UBR3: variants seen among roughly 807,000 people sequenced by gnomAD.
UBR3 encodes E3 ubiquitin-protein ligase UBR3.
A neutral mutation model predicts 243.2 loss-of-function variants in UBR3; 85 were observed. The ratio of observed to expected loss-of-function variants is 0.35; its 90% CI spans 0.29 to 0.42. The LOEUF is 0.42. Ranked by LOEUF, UBR3 falls within the 10% of genes least tolerant of loss-of-function variation. The pLI is 1.00. For missense variants in UBR3, 1,686 were observed against 2,300.8 expected (o/e 0.73, Z 5.47); for synonymous variants, 748 against 799.8 (o/e 0.94, Z 1.09).
At chr2:169,842,208 G>C (rs548661100) in intron 1 of UBR3, among the ~76,000 whole-genome samples, 79 of 152,252 alleles carry the variant, frequency 5.2e-4, no homozygotes, top group African/African-American at 1.8e-3. Context: ...AGGTTTGTGA[G>C]TGCACCAATC....
chr2:169,827,627 C>G lies in UBR3; in HGVS notation c.120C>G (p.Ser40Arg). 1 of 1,267,588 alleles carries G rather than the reference C, an allele frequency of 7.9e-7. No individual in the cohort carries two copies. Among genetic ancestry groups the G allele is most frequent in the Non-Finnish European group, 9.9e-7 (1 of 1,006,356 alleles). The allele number at this position is 1,267,588 out of a possible 1,614,324, so 78.5% of individuals were successfully genotyped here. ...ATAAHLKAAL[S>R]RPDNRAGAEE... is the part of the protein sequence containing the mutation. ...CCGCGCACCTCAAGGCGGCCCTCAG[C>G]CGGCCGGACAACCGCGCAGGTGCTG... The change falls in exon 1 of 39, where the codon AGC (serine) becomes AGG (arginine). Residue 40 changes from serine (S) to arginine (R), a missense_variant. Ser to Arg is a moderately radical substitution (Grantham distance 110). Around this residue, in one of 8 missense-constraint regions of UBR3, gnomAD observed 79 missense variants for 73.2 expected, o/e 1.08. Transcript: ENST00000272793.
At chr2:169,844,070 G>A (rs556486618) in intron 1 of UBR3, among the ~76,000 whole-genome samples, 144 of 148,818 alleles carry the variant, frequency 9.7e-4, no homozygotes, top group African/African-American at 3.5e-3. Flanking sequence ...GCAATGGCGC[G>A]ACCTCGGCTC....
At chr2:169,842,534 C>T (rs944966485) in intron 1 of UBR3, among the ~76,000 whole-genome samples, 3 of 152,180 alleles carry the variant, frequency 2.0e-5, no homozygotes, top group African/African-American at 4.8e-5. Context: ...TTTGGGTCCA[C>T]GCTGCTTTTA....
chr2:169,967,276 C>G (rs967868557), intron 24 of UBR3, among the ~76,000 whole-genome samples: 1 of 146,708 alleles, frequency 6.8e-6, no homozygotes, highest in Non-Finnish European at 1.5e-5. Flanking sequence ...CCCCCCCCCA[C>G]ACACAGTTGG....
chr2:170,055,592 T>A lies in UBR3; in HGVS notation c.4785+8T>A. On this transcript the variant is annotated splice_region_variant and intron_variant, in intron 33 of 38. Transcript: ENST00000272793. Reference sequence around the variant, plus strand: ...GCGGGAGCTCTCAAAAAGGTTAGGCTCTTTCTAAATTTGTCATTTAGCAGG... The same window carrying A: ...GCGGGAGCTCTCAAAAAGGTTAGGCACTTTCTAAATTTGTCATTTAGCAGG... 1 of 1,612,242 alleles carries A rather than the reference T, an allele frequency of 6.2e-7. No homozygotes were observed. The highest frequency in any genetic ancestry group is 8.5e-7 in the Non-Finnish European group (1 of 1,178,796).
At chr2:170,021,827 A>T (rs1364176464) in intron 30 of UBR3, among the ~76,000 whole-genome samples, 1 of 152,304 alleles carries the variant, frequency 6.6e-6, no homozygotes, top group East Asian at 1.9e-4. Context: ...CCTTTCTGAA[A>T]GTGCCATGAT....
Position 169,986,663 on chromosome 2 carries a change from T to A in UBR3, c.3653T>A (p.Ile1218Asn). The change falls in exon 25 of 39, where the codon ATT becomes AAT. Residue 1218 changes from isoleucine to asparagine, a missense_variant. This residue lies in a region of UBR3 where 156 missense variants were observed against 246.3 expected (regional missense o/e 0.63). Transcript: ENST00000272793. ...CCCTCAGATTCTCCTGAGAATGATA[T>A]TCCTATGGAGATCACCACGGCAGAA... The part of the protein sequence containing the change: ...AMDVDSPEND[I>N]PMEITTAEPQ... 1 of 1,613,568 alleles carries A rather than the reference T, an allele frequency of 6.2e-7. No homozygotes were observed. Among genetic ancestry groups the A allele is most frequent in the Non-Finnish European group, 8.5e-7 (1 of 1,179,742 alleles).
chr2:170,064,165 T>C (rs1335547736), intron 35 of UBR3, among the ~76,000 whole-genome samples: 1 of 152,208 alleles, frequency 6.6e-6, no homozygotes, highest in African/African-American at 2.4e-5. Context: ...TTTCTGTTCC[T>C]AGTCTGGCCC....
chr2:169,881,422 G>A lies in UBR3; in HGVS notation c.1038+2848G>A, dbSNP rs913108478. On this transcript the variant is annotated intron_variant, in intron 5 of 38. Transcript: ENST00000272793. ...TTGAACTCCTGACCTCAGGTGATCC[G>A]CCCACCTTGGCCTCCCAAAGTGCTG... Among the ~76,000 whole-genome samples, 8 of 151,702 alleles carry A rather than the reference G, an allele frequency of 5.3e-5. No homozygotes were observed. The East Asian group carries it at 7.7e-4, about 15-fold the overall frequency.
chr2:170,022,001 A>G (rs555512565), intron 30 of UBR3, among the ~76,000 whole-genome samples: 1 of 152,064 alleles, frequency 6.6e-6, no homozygotes, highest in South Asian at 2.1e-4. Flanking sequence ...GACAAACTCT[A>G]CCCCCATTTT....
At chr2:169,852,017 T>C (rs1482149904) in intron 1 of UBR3, among the ~76,000 whole-genome samples, 1 of 152,154 alleles carries the variant, frequency 6.6e-6, no homozygotes, top group African/African-American at 2.4e-5. Context: ...TTGTCCTCCA[T>C]GGTTATTTTT....
chr2:169,919,592 T>C (rs979712560), intron 11 of UBR3, among the ~76,000 whole-genome samples: 1 of 152,130 alleles, frequency 6.6e-6, no homozygotes, highest in Admixed American at 6.5e-5. Context: ...GAATCTACAA[T>C]GAACTTAAAC....
intron 36 of UBR3, among the ~76,000 whole-genome samples, chr2:170,074,781 G>C (rs945153092): frequency 1.3e-5 from 2 of 150,906 alleles, no homozygotes; most frequent in African/African-American, 2.4e-5. Flanking sequence ...CTGTACTTTT[G>C]TGACTTTCTC....
intron 1 of UBR3, among the ~76,000 whole-genome samples, chr2:169,844,980 TTTTC>T (rs1318391405): frequency 1.3e-5 from 2 of 152,204 alleles, no homozygotes; most frequent in East Asian, 1.9e-4. Flanking sequence ...TGTAGTCTTC[TTTTC>T]TAATAAGATA....
chr2:169,858,918 G>T (rs1224417686), intron 1 of UBR3, among the ~76,000 whole-genome samples: 1 of 151,972 alleles, frequency 6.6e-6, no homozygotes, highest in African/African-American at 2.4e-5. Context: ...TACTTTAAAT[G>T]TCTCTCCATT....
intron 24 of UBR3, among the ~76,000 whole-genome samples, chr2:169,958,901 T>C (rs993996691): frequency 6.6e-6 from 1 of 152,202 alleles, no homozygotes; most frequent in African/African-American, 2.4e-5. Context: ...CTCTTTCTGG[T>C]ATCCCTTCAT....
chr2:169,942,476 T>C lies in UBR3; in HGVS notation c.2664-17T>C. Reference sequence around the variant, plus strand: ...TTGAGGCTATCATCTAATTCTAGTTTTGTTTTATTTTTACAGTTTAAAACA... The same window carrying C: ...TTGAGGCTATCATCTAATTCTAGTTCTGTTTTATTTTTACAGTTTAAAACA... On this transcript the variant is annotated splice_polypyrimidine_tract_variant and intron_variant, in intron 19 of 38. Transcript: ENST00000272793. 6.5e-7 allele frequency: 1 copy of C among 1,529,762 alleles called. No individual in the cohort carries two copies. The highest frequency in any genetic ancestry group is 8.8e-7 in the Non-Finnish European group (1 of 1,141,742). 94.8% of individuals were successfully genotyped at this position (1,529,762 alleles called of 1,614,324 possible).
intron 29 of UBR3, chr2:170,014,446 CTAAGTG>C (rs2090177431): frequency 6.7e-6 from 1 of 148,956 alleles, no homozygotes; most frequent in Non-Finnish European, 1.5e-5. Flanking sequence ...AAAGGTATGT[CTAAGTG>C]TATTCATACT....
intron 1 of UBR3, among the ~76,000 whole-genome samples, chr2:169,843,720 T>G (rs1384415960): frequency 2.0e-5 from 3 of 152,248 alleles, no homozygotes; most frequent in African/African-American, 7.2e-5. Context: ...TTTTTGTATC[T>G]GTAGTCAAGA....
Sources: allele counts gnomAD v4.1 joint callset (sites outside exome capture counted in the v4.1 genomes callset), GRCh38; gene constraint gnomAD v4.1.1; regional missense constraint gnomAD v4.1.1; transcripts MANE v1.5; gene names NCBI Gene and HGNC (gene_info 2026-07-23, HGNC 2026-07-21).